NPY: variants seen among roughly 807,000 people sequenced by gnomAD.
NPY encodes neuropeptide Y, also known as pro-neuropeptide Y.
A neutral mutation model predicts 13.2 loss-of-function variants in NPY; 11 were observed. The ratio of observed to expected loss-of-function variants is 0.83; its 90% CI spans 0.52 to 1.38. NPY has a LOEUF of 1.38. Among genes scored for constraint, NPY ranks in the 40% most tolerant of loss-of-function variants. The probability of loss-of-function intolerance (pLI) is 0.00; values close to 1 mark genes in which losing one functional copy is unlikely to be tolerated. For missense variants in NPY, 109 were observed against 125.1 expected (o/e 0.87, Z 0.61); for synonymous variants, 51 against 55.6 (o/e 0.92, Z 0.37).
Position 24,285,275 on chromosome 7 carries a change from T to A in NPY, c.35T>A (p.Leu12Gln). The A allele has an allele frequency of 6.2e-7, 1 of 1,614,054 alleles. No individual in the cohort carries two copies. The highest frequency in any genetic ancestry group is 8.5e-7 in the Non-Finnish European group (1 of 1,179,986). The stretch of plus-strand genomic sequence containing the variant: ...AACAAGCGACTGGGGCTGTCCGGAC[T>A]GACCCTCGCCCTGTCCCTGCTCGTG... The part of the protein sequence containing the change: ...LGNKRLGLSG[L>Q]TLALSLLVCL... The change falls in exon 2 of 4, where the codon CTG (leucine) becomes CAG (glutamine). Residue 12 changes from leucine (L) to glutamine (Q), a missense_variant. Transcript: ENST00000242152. This position sits in a 1 kb window ranked among gnomAD's most constrained non-coding sequence, Gnocchi z 4.9.
At position 24,285,440 on chromosome 7, in the gene NPY, C is replaced by G. The variant is rs745988644; in HGVS notation, c.188+12C>G. 7 of 1,604,746 alleles carry G rather than the reference C, an allele frequency of 4.4e-6. No individual in the cohort carries two copies. Among genetic ancestry groups the G allele is most frequent in the Non-Finnish European group, 4.3e-6 (5 of 1,173,046 alleles). On this transcript the variant is annotated intron_variant, in intron 2 of 3. Coordinates refer to ENST00000242152, the MANE Select transcript of NPY (RefSeq NM_000905.4). This position sits in a 1 kb window ranked among gnomAD's most constrained non-coding sequence, Gnocchi z 4.9. ...ATCACCAGGCAGAGGTGGGTGGGAC[C>G]GCGGGACCGATTCCGGGAGCGCCAG...
intron 3 of NPY, among the ~76,000 whole-genome samples, chr7:24,290,303 T>TAAC (rs1787553911): frequency 6.6e-6 from 1 of 152,132 alleles, no homozygotes; most frequent in Admixed American, 6.5e-5. Context: ...TCCTCTTCCA[T>TAAC]CTTCATAACC....
chr7:24,287,412 G>C (rs1473344002), intron 2 of NPY, among the ~76,000 whole-genome samples: 3 of 152,110 alleles, frequency 2.0e-5, no homozygotes, highest in African/African-American at 7.2e-5. Context: ...ATTTAGTATA[G>C]ATATAATCTG....
intron 2 of NPY, among the ~76,000 whole-genome samples, chr7:24,289,023 C>A (rs1413242561): frequency 1.6e-4 from 24 of 152,060 alleles, no homozygotes. Flanking sequence ...CGGCAATCTG[C>A]TGATTTTTTT....
chr7:24,291,800 C>A lies in NPY; in HGVS notation c.*113C>A. On this transcript the variant is annotated 3_prime_UTR_variant, in exon 4 of 4. Transcript: ENST00000242152. ...CATGCAGCCACTGTGCTGAATTCTG[C>A]AATGTTTTCCTTTGTCATCATTGTA... 2 of 1,169,064 alleles carry A rather than the reference C, an allele frequency of 1.7e-6. No homozygotes were observed. Among genetic ancestry groups the A allele is most frequent in the Non-Finnish European group, 2.5e-6 (2 of 786,966 alleles). The allele number at this position is 1,169,064 out of a possible 1,614,324, so 72.4% of individuals were successfully genotyped here. A position where few individuals can be genotyped will look rare whatever the true frequency, so the allele number is the denominator to read the frequency against.
chr7:24,286,798 G>A (rs1787400491), intron 2 of NPY, among the ~76,000 whole-genome samples: 2 of 152,174 alleles, frequency 1.3e-5, no homozygotes. Flanking sequence ...TTCTTGCTAT[G>A]TTATGCCGTC....
intron 1 of NPY, among the ~76,000 whole-genome samples, chr7:24,284,641 G>T (rs2128231571): frequency 6.6e-6 from 1 of 152,290 alleles, no homozygotes; most frequent in Admixed American, 6.5e-5. Flanking sequence ...GCGGTAGGAA[G>T]GTTTCCCCGG....
chr7:24,290,522 G>T (rs552006671), intron 3 of NPY, among the ~76,000 whole-genome samples: 1 of 152,200 alleles, frequency 6.6e-6, no homozygotes, highest in South Asian at 2.1e-4. Context: ...ACTCAGCAGG[G>T]TGACCCGCTG....
intron 2 of NPY, among the ~76,000 whole-genome samples, chr7:24,286,609 G>A (rs537260104): frequency 1.3e-3 from 192 of 152,076 alleles, no homozygotes; most frequent in African/African-American, 4.2e-3. Context: ...TCATCAAAAA[G>A]GTATTTAACA....
chr7:24,291,283 G>T (rs959861536), intron 3 of NPY, among the ~76,000 whole-genome samples: 2 of 152,150 alleles, frequency 1.3e-5, no homozygotes, highest in African/African-American at 4.8e-5. Flanking sequence ...AATAAAGCTG[G>T]CAGGAAAAGG....
At chr7:24,284,870 C>T (rs1420939476) in intron 1 of NPY, 3 of 326,256 alleles carry the variant, frequency 9.2e-6, no homozygotes, top group African/African-American at 2.2e-5. Context: ...AACTTTTCTT[C>T]CCAGACAAGA....
intron 3 of NPY, among the ~76,000 whole-genome samples, chr7:24,289,800 T>C (rs1452403199): frequency 6.6e-6 from 1 of 152,156 alleles, no homozygotes; most frequent in Non-Finnish European, 1.5e-5. Flanking sequence ...TTAGCTCAGG[T>C]TATTTGGTGC....
At chr7:24,289,116 A>G (rs1392244084) in intron 2 of NPY, among the ~76,000 whole-genome samples, 1 of 152,162 alleles carries the variant, frequency 6.6e-6, no homozygotes, top group Non-Finnish European at 1.5e-5. Context: ...ATAGCCAATT[A>G]ACTAATTGTG....
At chr7:24,289,633 G>A in intron 3 of NPY, 54 bp downstream of exon 3, 2 of 1,450,906 alleles carry the variant, frequency 1.4e-6, no homozygotes, top group African/African-American at 1.4e-5. Context: ...GTGCCCAGGG[G>A]AGGGAAGTCA....
intron 3 of NPY, among the ~76,000 whole-genome samples, chr7:24,289,810 C>T (rs1787535821): frequency 6.6e-6 from 1 of 152,088 alleles, no homozygotes; most frequent in Admixed American, 6.5e-5. Flanking sequence ...TTATTTGGTG[C>T]TCCTTTGACG....
intron 2 of NPY, among the ~76,000 whole-genome samples, chr7:24,288,645 C>A (rs1343889440): frequency 2.1e-5 from 3 of 142,274 alleles, no homozygotes; most frequent in African/African-American, 5.3e-5. Flanking sequence ...GTAAACGAAA[C>A]CTTACCTGTA....
intron 3 of NPY, 93 bp from the exon 4 acceptor site, chr7:24,291,570 A>C (rs1282679650): frequency 7.0e-7 from 1 of 1,436,292 alleles, no homozygotes; most frequent in Non-Finnish European, 9.7e-7. Context: ...GTTCCCGGTC[A>C]TCTTTCACTT....
chr7:24,290,353 GT>G (rs915114634), intron 3 of NPY, among the ~76,000 whole-genome samples: 5 of 152,160 alleles, frequency 3.3e-5, no homozygotes, highest in African/African-American at 1.2e-4. Context: ...TCTAACCACA[GT>G]AAGATCATAG....
intron 2 of NPY, among the ~76,000 whole-genome samples, chr7:24,287,771 C>A (rs1233208610): frequency 6.6e-6 from 1 of 152,112 alleles, no homozygotes; most frequent in Admixed American, 6.5e-5. Flanking sequence ...CACAGAATAG[C>A]CAGTCCCAGA....
Sources: gnomAD v4.1 joint callset for allele counts (sites outside exome capture counted in the v4.1 genomes callset) on GRCh38, gnomAD v4.1.1 for gene constraint, Gnocchi (gnomAD v3.1) non-coding constraint, MANE v1.5 for transcripts, NCBI Gene and HGNC (gene_info 2026-07-23, HGNC 2026-07-21) for gene names.